IL24: variants seen among roughly 807,000 people sequenced by gnomAD.
The protein encoded by IL24 is interleukin-24.
A neutral mutation model predicts 27.6 loss-of-function variants in IL24; 24 were observed. The observed-to-expected ratio is 0.87, with a 90% confidence interval of 0.63 to 1.22. IL24 has a LOEUF of 1.22. IL24 is among the 50% of genes most tolerant of loss of function. The pLI is 0.00. For synonymous variants in IL24, 99 were observed against 93.1 expected, an observed-to-expected ratio of 1.06 and a Z score of -0.36; for missense variants, 240 against 237.0, an observed-to-expected ratio of 1.01 and a Z score of -0.08.
Position 206,897,771 on chromosome 1 carries a change from T to A in IL24, c.-62T>A. On this transcript the variant is annotated 5_prime_UTR_variant, in exon 2 of 7. Transcript: ENST00000294984. ...GTGATGAGGAGCTGCTTTCGCCAATTTAACACCAAGAAGAATTGAGGCTGC... is the reference window on the plus strand; with the variant it reads ...GTGATGAGGAGCTGCTTTCGCCAATATAACACCAAGAAGAATTGAGGCTGC... 1 of 1,601,828 alleles carries A rather than the reference T, an allele frequency of 6.2e-7. No homozygotes were observed.
intron 6 of IL24, 193 bp from the exon 7 acceptor site, chr1:206,902,783 G>A: frequency 1.1e-5 from 11 of 985,360 alleles, no homozygotes; most frequent in Non-Finnish European, 1.3e-5. Flanking sequence ...TAGCCTGTTT[G>A]TCCTCACCCC....
rs796690806 is a variant in IL24 at position 206,899,538 on chromosome 1, C to T, written c.240+23C>T. ...ATGGTGAGTAAAGTGCTGTTCTGGACCCAGTCGTGGGGGTTCCTGGGGGCA... is the reference window on the plus strand; with the variant it reads ...ATGGTGAGTAAAGTGCTGTTCTGGATCCAGTCGTGGGGGTTCCTGGGGGCA... On this transcript the variant is annotated intron_variant, in intron 3 of 6. Transcript: ENST00000294984. 15 of 1,539,076 alleles carry T rather than the reference C, an allele frequency of 9.7e-6. 1 individual carries two copies. The African/African-American group carries it at 2.1e-4, about 21-fold the overall frequency.
intron 6 of IL24, 81 bp downstream of exon 6, chr1:206,902,153 A>C: frequency 2.5e-6 from 4 of 1,586,288 alleles, no homozygotes; most frequent in Non-Finnish European, 3.4e-6. Flanking sequence ...TCAGAGACCC[A>C]ATGCAGAATG....
At chr1:206,900,736 A>C (rs1378781577) in intron 4 of IL24, among the ~76,000 whole-genome samples, 1 of 151,524 alleles carries the variant, frequency 6.6e-6, no homozygotes, top group Non-Finnish European at 1.5e-5. Context: ...CTGGCCTTTG[A>C]TGTCTCATAG....
In IL24 at chr1:206,899,233, CG is replaced by C. The variant is rs1399765323; in HGVS notation, c.45-83del. 4 of 1,391,592 alleles carry C rather than the reference CG, an allele frequency of 2.9e-6. No homozygotes were observed. The Admixed American group carries it at 8.1e-5, about 28-fold the overall frequency. The allele number at this position is 1,391,592 out of a possible 1,614,324, so 86.2% of individuals were successfully genotyped here. A position where few individuals can be genotyped will look rare whatever the true frequency, so the allele number is the denominator to read the frequency against. On this transcript the variant is annotated intron_variant, in intron 2 of 6. Coordinates refer to ENST00000294984, the MANE Select transcript of IL24 (RefSeq NM_006850.3). ...CATTGGAGAGTGCTCGAGATTGGCCCGGGGAGACCCTCGGAGCATTTTCCCA... is the reference window on the plus strand; with the variant it reads ...CATTGGAGAGTGCTCGAGATTGGCCCGGGAGACCCTCGGAGCATTTTCCCA...
rs960964383 is a variant in IL24 at position 206,901,896 on chromosome 1, C to T, written c.463-102C>T. On this transcript the variant is annotated intron_variant, in intron 5 of 6. Coordinates refer to ENST00000294984, the MANE Select transcript of IL24 (RefSeq NM_006850.3). ...AATGCAGGATTCAGCCCTGGGCTCTCAGGCTTTGGGAGACCCTGTGGCATC... is the reference window on the plus strand; with the variant it reads ...AATGCAGGATTCAGCCCTGGGCTCTTAGGCTTTGGGAGACCCTGTGGCATC... 3 of 1,236,962 alleles carry T rather than the reference C, an allele frequency of 2.4e-6. No individual in the cohort carries two copies. The Admixed American group carries it at 5.5e-5, about 23-fold the overall frequency. 76.6% of individuals were successfully genotyped at this position (1,236,962 alleles called of 1,614,324 possible).
chr1:206,897,755 A>G lies in IL24; in HGVS notation c.-78A>G. On this transcript the variant is annotated 5_prime_UTR_variant, in exon 2 of 7. Coordinates refer to ENST00000294984, the MANE Select transcript of IL24 (RefSeq NM_006850.3). ...GGGACAAGACATGACTGTGATGAGG[A>G]GCTGCTTTCGCCAATTTAACACCAA... 1 of 1,491,596 alleles carries G rather than the reference A, an allele frequency of 6.7e-7. No homozygotes were observed. Among genetic ancestry groups the G allele is most frequent in the Non-Finnish European group, 9.3e-7 (1 of 1,072,698 alleles). 92.4% of individuals were successfully genotyped at this position (1,491,596 alleles called of 1,614,324 possible).
At chr1:206,898,580 G>A (rs986961033) in intron 2 of IL24, among the ~76,000 whole-genome samples, 3 of 152,150 alleles carry the variant, frequency 2.0e-5, no homozygotes, top group African/African-American at 4.8e-5. Flanking sequence ...ACATAATGGC[G>A]TTAGGTTCCC....
intron 3 of IL24, 73 bp from the exon 4 acceptor site, chr1:206,900,222 C>T (rs1304229071): frequency 2.3e-6 from 3 of 1,324,406 alleles, no homozygotes; most frequent in East Asian, 2.3e-5. Flanking sequence ...TCTAGGGAAG[C>T]AGCACATATT....
chr1:206,899,616 G>A, intron 3 of IL24, 101 bp downstream of exon 3: 2 of 922,950 alleles, frequency 2.2e-6, no homozygotes, highest in Non-Finnish European at 1.6e-6. Context: ...GTCCTTCACA[G>A]CTTGCTAATC....
In IL24 at chr1:206,903,045, T is replaced by C. The variant is rs1294744833; in HGVS notation, c.607T>C (p.Phe203Leu). The C allele has an allele frequency of 6.2e-7, 1 of 1,614,072 alleles. No homozygotes were observed. Among genetic ancestry groups the C allele is most frequent in the Admixed American group, 1.7e-5 (1 of 60,016 alleles). Reference protein sequence around the residue: ...VDILLTWMQKFYKL With the variant: ...VDILLTWMQKLYKL ...CATTCTTCTGACCTGGATGCAGAAA[T>C]TCTACAAGCTCTGAATGTCTAGACC... is the stretch of plus-strand genomic sequence containing the variant. Residue 203 changes from phenylalanine (F) to leucine (L), a missense_variant, in exon 7 of 7, where the codon TTC becomes CTC. By Grantham distance (22) the Phe-to-Leu change is conservative (BLOSUM62 0). Coordinates refer to ENST00000294984, the MANE Select transcript of IL24 (RefSeq NM_006850.3).
Position 206,901,516 on chromosome 1 carries a change from T to C in IL24, c.326T>C (p.Val109Ala). The change falls in exon 5 of 7, where the codon GTC (valine) becomes GCC (alanine). Residue 109 changes from valine (V) to alanine (A), a missense_variant. Val to Ala is a moderately conservative substitution (Grantham distance 64). Coordinates refer to ENST00000294984, the MANE Select transcript of IL24 (RefSeq NM_006850.3). ...NVSDAESCYL[V>A]HTLLEFYLKT... Reference sequence around the variant, plus strand: ...CAGGATGCTGAGAGCTGTTACCTTGTCCACACCCTGCTGGAGTTCTACTTG... The same window carrying C: ...CAGGATGCTGAGAGCTGTTACCTTGCCCACACCCTGCTGGAGTTCTACTTG... 1 of 1,613,620 alleles carries C rather than the reference T, an allele frequency of 6.2e-7. No homozygotes were observed. Among genetic ancestry groups the C allele is most frequent in the East Asian group, 2.2e-5 (1 of 44,884 alleles).
intron 2 of IL24, among the ~76,000 whole-genome samples, chr1:206,898,135 C>A (rs1156744520): frequency 6.7e-6 from 1 of 148,848 alleles, no homozygotes; most frequent in Non-Finnish European, 1.5e-5. Context: ...CCACTGCACT[C>A]CAGCCTGGGT....
At chr1:206,898,898 A>T (rs3093442) in intron 2 of IL24, among the ~76,000 whole-genome samples, 213 of 152,288 alleles carry the variant, frequency 1.4e-3, no homozygotes, top group Non-Finnish European at 2.4e-3. Context: ...TTCAGGGCAG[A>T]ACTTGGATAA....
At chr1:206,899,278 C>A in intron 2 of IL24, 42 bp from the exon 3 acceptor site, 1 of 1,595,890 alleles carries the variant, frequency 6.3e-7, no homozygotes, top group South Asian at 1.1e-5. Flanking sequence ...AACTCTGGGT[C>A]AGAGGGCCGG....
intron 2 of IL24, among the ~76,000 whole-genome samples, chr1:206,898,357 T>C (rs555792439): frequency 6.6e-6 from 1 of 152,088 alleles, no homozygotes; most frequent in South Asian, 2.1e-4. Flanking sequence ...AGGCAGTTTC[T>C]TTAGGTGTCA....
chr1:206,902,266 C>G (rs1385242265), intron 6 of IL24, 194 bp downstream of exon 6: 1 of 985,204 alleles, frequency 1.0e-6, no homozygotes, highest in African/African-American at 1.7e-5. Context: ...TTTTTTCTTC[C>G]AGTTTTCAAG....
Position 206,902,047 on chromosome 1 carries a change from T to C in IL24, c.512T>C (p.Leu171Pro). 6.2e-7 allele frequency: 1 copy of C among 1,612,390 alleles called. No homozygotes were observed. The highest frequency in any genetic ancestry group is 8.5e-7 in the Non-Finnish European group (1 of 1,178,426). Residue 171 changes from leucine to proline, a missense_variant, in exon 6 of 7, where the codon CTG (leucine) becomes CCG (proline). Leu to Pro is a moderately conservative substitution (Grantham distance 98). Transcript: ENST00000294984. ...AGAGACAGTGCACACAGGCGGTTTC[T>C]GCTATTCCGGAGAGCATTCAAACAG... ...SIRDSAHRRF[L>P]LFRRAFKQLD...
chr1:206,902,991 G>A lies in IL24; in HGVS notation c.553G>A (p.Ala185Thr). ...RAFKQLDVEAALTKALGEVDI... is the reference protein window; with the variant it reads ...RAFKQLDVEATLTKALGEVDI... ...TTCCCTTTAGTTGGACGTAGAAGCAGCTCTGACCAAAGCCCTTGGGGAAGT... is the reference window on the plus strand; with the variant it reads ...TTCCCTTTAGTTGGACGTAGAAGCAACTCTGACCAAAGCCCTTGGGGAAGT... Residue 185 changes from alanine (A) to threonine (T), a missense_variant, in exon 7 of 7, where the codon GCT (alanine) becomes ACT (threonine). By Grantham distance (58) the Ala-to-Thr change is moderately conservative. Transcript: ENST00000294984. 6.2e-7 allele frequency: 1 copy of A among 1,614,200 alleles called. No individual in the cohort carries two copies. The highest frequency in any genetic ancestry group is 8.5e-7 in the Non-Finnish European group (1 of 1,180,024).
Sources: gnomAD v4.1 joint callset for allele counts (sites outside exome capture counted in the v4.1 genomes callset) on GRCh38, gnomAD v4.1.1 for gene constraint, MANE v1.5 for transcripts, NCBI Gene and HGNC (gene_info 2026-07-23, HGNC 2026-07-21) for gene names.